The following TET2 variants were observed in gnomAD, a reference collection of about 807,000 sequenced individuals.
The protein encoded by TET2 is methylcytosine dioxygenase TET2.
In TET2, 299 loss-of-function variants were observed where a neutral mutation model predicts 142.9. The observed-to-expected ratio is 2.09, with a 90% CI of 1.90 to 2.30. The LOEUF is 2.30. Ranked by LOEUF, TET2 falls within the 30% of genes most tolerant of loss-of-function variation. The probability of loss-of-function intolerance (pLI) is 0.00; values close to 1 mark genes in which losing one functional copy is unlikely to be tolerated. For synonymous variants in TET2, 819 were observed against 849.0 expected, an observed-to-expected ratio of 0.96 and a Z score of 0.61; for missense variants, 2,418 against 2,378.0, an observed-to-expected ratio of 1.02 and a Z score of -0.35.
At chr4:105,240,220 GACATACTTA>G in intron 3 of TET2, 1 of 380,236 alleles carries the variant, frequency 2.6e-6, no homozygotes, top group Non-Finnish European at 4.1e-6. Context: ...GACACTGATA[GACATACTTA>G]ACACGTGGGA....
At chr4:105,229,599 G>A (rs939079593) in intron 2 of TET2, among the ~76,000 whole-genome samples, 11 of 151,424 alleles carry the variant, frequency 7.3e-5, no homozygotes, top group African/African-American at 2.2e-4. Context: ...GTGAGCCACC[G>A]TGCCTGGCCT....
In TET2 at chr4:105,233,910, G is replaced by C. The variant is rs1313834149; in HGVS notation, c.-33G>C. 6.4e-7 allele frequency: 1 copy of C among 1,572,644 alleles called. No individual in the cohort carries two copies. The highest frequency in any genetic ancestry group is 1.9e-5 in the Admixed American group (1 of 51,562). On this transcript the variant is annotated 5_prime_UTR_variant, in exon 3 of 11. Transcript: ENST00000380013. ...CATGCTCTTTAGAATTCAACTAGAG[G>C]GCAGCCTTGTGGATGGCCCCGAAGC...
At chr4:105,223,977 A>G (rs1462646647) in intron 2 of TET2, among the ~76,000 whole-genome samples, 1 of 152,126 alleles carries the variant, frequency 6.6e-6, no homozygotes, top group Non-Finnish European at 1.5e-5. Flanking sequence ...AGTAATTTAT[A>G]TATACTTGTA....
chr4:105,187,022 T>G (rs1725497391), intron 1 of TET2, among the ~76,000 whole-genome samples: 1 of 152,164 alleles, frequency 6.6e-6, no homozygotes, highest in Non-Finnish European at 1.5e-5. Flanking sequence ...CCTTGATAGT[T>G]TGCCAGCTTG....
At chr4:105,159,235 TTTTCTTTC>T (rs1414495315) in intron 1 of TET2, among the ~76,000 whole-genome samples, 1 of 151,614 alleles carries the variant, frequency 6.6e-6, no homozygotes. Flanking sequence ...AGATTAATCT[TTTTCTTTC>T]TTTCTTTCTT....
In TET2 at chr4:105,236,873, G is replaced by A. The variant is rs1287411876; in HGVS notation, c.2931G>A (p.Met977Ile). The A allele has an allele frequency of 6.2e-7, 1 of 1,613,984 alleles. No homozygotes were observed. Among genetic ancestry groups the A allele is most frequent in the Non-Finnish European group, 8.5e-7 (1 of 1,180,020 alleles). ...QPQTESCHSQ[M>I]HRPIKVEPGC... ...AAACTGAGTCTTGCCATAGTCAGAT[G>A]CACAGGCCAATTAAGGTGGAACCTG... Residue 977 changes from methionine (M) to isoleucine (I), a missense_variant, in exon 3 of 11, where the codon ATG becomes ATA. Physicochemically the swap from Met to Ile is conservative, Grantham distance 10. Transcript: ENST00000380013.
intron 1 of TET2, among the ~76,000 whole-genome samples, chr4:105,186,353 C>G (rs1260296154): frequency 1.3e-5 from 2 of 152,046 alleles, no homozygotes; most frequent in Admixed American, 6.6e-5. Context: ...TAACCTCTGT[C>G]TTCAGCACTA....
At position 105,228,470 on chromosome 4, in the gene TET2, A is replaced by G. The variant is rs1258412845; in HGVS notation, c.-46-5427A>G. On this transcript the variant is annotated intron_variant, in intron 2 of 10. Transcript: ENST00000380013. ...TCACCTTCATTTCTTAGTAGCTATT[A>G]TTATACTCAAAGGATTTGCCCTTGA... Among the ~76,000 whole-genome samples the G allele has an allele frequency of 2.0e-5, 3 of 152,220 alleles. No homozygotes were observed. The East Asian group carries it at 5.8e-4, about 29-fold the overall frequency.
intron 2 of TET2, among the ~76,000 whole-genome samples, chr4:105,196,825 T>C (rs1369572375): frequency 1.3e-5 from 2 of 152,172 alleles, no homozygotes; most frequent in African/African-American, 2.4e-5. Context: ...TTACTAATAT[T>C]TTACACAGTA....
chr4:105,204,048 A>C (rs796812404), intron 2 of TET2, among the ~76,000 whole-genome samples: 22 of 152,114 alleles, frequency 1.4e-4, no homozygotes, highest in African/African-American at 5.1e-4. Context: ...AAAATACAAA[A>C]ATTAGCCAGG....
intron 1 of TET2, among the ~76,000 whole-genome samples, chr4:105,173,271 G>A (rs538859418): frequency 6.6e-6 from 1 of 151,486 alleles, no homozygotes; most frequent in South Asian, 2.1e-4. Flanking sequence ...TGTGATCCCG[G>A]CACTTTGGGA....
At chr4:105,192,179 T>A (rs939199545) in intron 2 of TET2, among the ~76,000 whole-genome samples, 19 of 151,982 alleles carry the variant, frequency 1.3e-4, no homozygotes, top group Non-Finnish European at 2.4e-4. Context: ...AGTGCAGAAG[T>A]TTATGGAAAA....
chr4:105,274,156 TTAGA>T (rs1227635514), intron 10 of TET2, among the ~76,000 whole-genome samples: 1 of 152,232 alleles, frequency 6.6e-6, no homozygotes, highest in Non-Finnish European at 1.5e-5. Flanking sequence ...TGAAATATAA[TTAGA>T]TAGAACCTTG....
intron 6 of TET2, among the ~76,000 whole-genome samples, chr4:105,245,154 C>G (rs1578694794): frequency 6.6e-6 from 1 of 152,254 alleles, no homozygotes; most frequent in East Asian, 1.9e-4. Flanking sequence ...TATAAATAAT[C>G]TCTTTAGAAA....
intron 8 of TET2, among the ~76,000 whole-genome samples, chr4:105,262,438 T>A (rs898611066): frequency 4.6e-5 from 7 of 152,012 alleles, no homozygotes; most frequent in Admixed American, 4.6e-4. Flanking sequence ...TGGTCAGAAA[T>A]CTCTCATCAT....
At chr4:105,166,189 A>C (rs1724139249) in intron 1 of TET2, among the ~76,000 whole-genome samples, 1 of 152,168 alleles carries the variant, frequency 6.6e-6, no homozygotes, top group Non-Finnish European at 1.5e-5. Context: ...GTAGAAAAGG[A>C]AAAAGTGATC....
Position 105,235,107 on chromosome 4 carries a change from A to C in TET2, c.1165A>C (p.Lys389Gln), listed in dbSNP as rs143360504. Residue 389 changes from lysine (K) to glutamine (Q), a missense_variant, in exon 3 of 11, where the codon AAG (lysine) becomes CAG (glutamine). By Grantham distance (53) the Lys-to-Gln change is moderately conservative (BLOSUM62 1). Transcript: ENST00000380013. ...CTTCAAGCAAAGCTCAGTGTTCACT[A>C]AGGATTCCTTTTCTGCCACTACCAC... is the stretch of plus-strand genomic sequence containing the variant. ...AYFKQSSVFTKDSFSATTTPP... is the reference protein window; with the variant it reads ...AYFKQSSVFTQDSFSATTTPP... The C allele has an allele frequency of 3.7e-6, 6 of 1,614,034 alleles. No individual in the cohort carries two copies. Among genetic ancestry groups the C allele is most frequent in the East Asian group, 2.2e-5 (1 of 44,872 alleles).
intron 6 of TET2, among the ~76,000 whole-genome samples, chr4:105,246,175 G>C (rs1729574270): frequency 6.6e-6 from 1 of 151,978 alleles, no homozygotes; most frequent in Admixed American, 6.5e-5. Flanking sequence ...CACCCACCCT[G>C]GCCTCCCAAA....
intron 1 of TET2, among the ~76,000 whole-genome samples, chr4:105,190,078 A>G (rs1285535673): frequency 6.6e-6 from 1 of 152,228 alleles, no homozygotes. Context: ...ATGAAGTAAT[A>G]TAAGCCACTG....
Sources: allele counts gnomAD v4.1 joint callset (sites outside exome capture counted in the v4.1 genomes callset), GRCh38; gene constraint gnomAD v4.1.1; transcripts MANE v1.5; gene names NCBI Gene and HGNC (gene_info 2026-07-23, HGNC 2026-07-21).